ALDH3B1: variants seen among roughly 807,000 people sequenced by gnomAD.
The protein encoded by ALDH3B1 is aldehyde dehydrogenase family 3 member B1.
ALDH3B1 carries 37 observed loss-of-function variants against 46.2 expected under a neutral mutation model. The ratio of observed to expected loss-of-function variants is 0.80; its 90% confidence interval spans 0.62 to 1.05. The LOEUF is 1.05. ALDH3B1 is among the 50% of genes least tolerant of loss of function. ALDH3B1 has a pLI of 0.00. For missense variants in ALDH3B1, 603 were observed against 665.5 expected (o/e 0.91, Z 1.03); for synonymous variants, 283 against 281.0 (o/e 1.01, Z -0.07).
intron 9 of ALDH3B1, among the ~76,000 whole-genome samples, chr11:68,027,520 C>A (rs1351879297): frequency 2.0e-5 from 3 of 152,216 alleles, no homozygotes; most frequent in African/African-American, 7.2e-5. Context: ...GGAATCCATG[C>A]CCTTGACCAC....
intron 9 of ALDH3B1, among the ~76,000 whole-genome samples, chr11:68,027,077 C>A (rs1385567258): frequency 6.6e-6 from 1 of 152,118 alleles, no homozygotes; most frequent in African/African-American, 2.4e-5. Flanking sequence ...CGTGGCCCCA[C>A]CCCGGCTTCC....
At chr11:68,021,397 C>G in intron 6 of ALDH3B1, 88 bp from the exon 7 acceptor site, 2 of 1,526,640 alleles carry the variant, frequency 1.3e-6, no homozygotes, top group Non-Finnish European at 1.8e-6. Context: ...ACTCCACCAC[C>G]TCTCCAGGGA....
At chr11:68,023,562 C>G (rs1355231379) in intron 8 of ALDH3B1, among the ~76,000 whole-genome samples, 1 of 151,856 alleles carries the variant, frequency 6.6e-6, no homozygotes, top group Non-Finnish European at 1.5e-5. Context: ...GCCTCGGCCT[C>G]CCAAAGTGCT....
chr11:68,021,546 C>T lies in ALDH3B1; in HGVS notation c.624C>T (p.Thr208=). ...TAAAKHLTPV[T]LELGGKNPCY... ...CCGCCAAGCACCTGACACCTGTCAC[C>T]CTGGAGCTGGGGGGCAAGAACCCTT... Residue 208 remains threonine, a synonymous_variant, in exon 7 of 10, where the codon ACC becomes ACT. Coordinates refer to ENST00000342456, the MANE Select transcript of ALDH3B1 (RefSeq NM_000694.4). 2 of 1,614,084 alleles carry T rather than the reference C, an allele frequency of 1.2e-6. No homozygotes were observed. Among genetic ancestry groups the T allele is most frequent in the Non-Finnish European group, 1.7e-6 (2 of 1,179,992 alleles).
In ALDH3B1 at chr11:68,018,760, G is replaced by A; in HGVS notation, c.274-13G>A. ...TGCTGAGCACTTAATTTCATCCCCG[G>A]CTCCCGGCCCAGGCCACGCAGCTGG... On this transcript the variant is annotated splice_polypyrimidine_tract_variant and intron_variant, in intron 3 of 9. Transcript: ENST00000342456. The A allele has an allele frequency of 6.4e-7, 1 of 1,551,404 alleles. No homozygotes were observed. Among genetic ancestry groups the A allele is most frequent in the South Asian group, 1.2e-5 (1 of 84,076 alleles).
At chr11:68,026,213 G>C (rs1857619789) in intron 9 of ALDH3B1, 105 bp downstream of exon 9, 1 of 1,039,066 alleles carries the variant, frequency 9.6e-7, no homozygotes, top group African/African-American at 1.6e-5. Context: ...TCAATGTAGA[G>C]GGACAGGCAA....
At position 68,028,392 on chromosome 11, in the gene ALDH3B1, C is replaced by T. The variant is rs1854637396; in HGVS notation, c.*453C>T. 6 of 322,992 alleles carry T rather than the reference C, an allele frequency of 1.9e-5. No individual in the cohort carries two copies. The highest frequency in any genetic ancestry group is 7.5e-5 in the South Asian group (3 of 39,772). 20.0% of individuals were successfully genotyped at this position (322,992 alleles called of 1,614,324 possible). On this transcript the variant is annotated 3_prime_UTR_variant, in exon 10 of 10. Transcript: ENST00000342456. ...TGGAGAGAATTAACCATTGATACCTCCTGGCTGGGTGAGGCGGCTCACACC... is the reference window on the plus strand; with the variant it reads ...TGGAGAGAATTAACCATTGATACCTTCTGGCTGGGTGAGGCGGCTCACACC...
intron 9 of ALDH3B1, among the ~76,000 whole-genome samples, chr11:68,026,870 G>A (rs1857637080): frequency 6.6e-6 from 1 of 152,182 alleles, no homozygotes; most frequent in Non-Finnish European, 1.5e-5. Flanking sequence ...CTGTGCTGCT[G>A]TCCTGGCTCG....
chr11:68,013,641 A>T (rs1857280268), intron 1 of ALDH3B1, among the ~76,000 whole-genome samples: 1 of 152,204 alleles, frequency 6.6e-6, no homozygotes, highest in Non-Finnish European at 1.5e-5. Flanking sequence ...CCTCACAATG[A>T]CACCAGGTGC....
At chr11:68,022,021 T>TC (rs1199559929) in intron 7 of ALDH3B1, 150 bp downstream of exon 7, 1 of 1,372,536 alleles carries the variant, frequency 7.3e-7, no homozygotes, top group Non-Finnish European at 9.8e-7. Context: ...GTGCCATGAT[T>TC]CCGTCTCTGT....
intron 9 of ALDH3B1, 48 bp from the exon 10 acceptor site, chr11:68,027,701 T>C (rs1014367967): frequency 5.2e-6 from 8 of 1,537,496 alleles, no homozygotes. Context: ...TGTCTGTGAC[T>C]AGGAGACCCC....
Position 68,026,089 on chromosome 11 carries a change from C to G in ALDH3B1, c.1197C>G (p.Ser399Arg). The G allele has an allele frequency of 1.9e-6, 3 of 1,605,230 alleles. No homozygotes were observed. Among genetic ancestry groups the G allele is most frequent in the Non-Finnish European group, 2.6e-6 (3 of 1,175,930 alleles). ...NDGFMHMTLASLPFGGVGASG... is the reference protein window; with the variant it reads ...NDGFMHMTLARLPFGGVGASG... ...GCTTCATGCACATGACCCTGGCCAG[C>G]CTGCCTTTTGGAGGAGTGGGTAGGT... The change falls in exon 9 of 10, where the codon AGC (serine) becomes AGG (arginine). Residue 399 changes from serine to arginine, a missense_variant. By Grantham distance (110) the Ser-to-Arg change is moderately radical (BLOSUM62 -1). Transcript: ENST00000342456.
chr11:68,019,438 G>A (rs1232995578), intron 5 of ALDH3B1, among the ~76,000 whole-genome samples, 183 bp downstream of exon 5: 2 of 152,212 alleles, frequency 1.3e-5, no homozygotes, highest in East Asian at 1.9e-4. Flanking sequence ...GAGGAGCAGC[G>A]AGGGCAGCCT....
At position 68,021,577 on chromosome 11, in the gene ALDH3B1, G is replaced by C; in HGVS notation, c.655G>C (p.Val219Leu). 1 of 1,614,104 alleles carries C rather than the reference G, an allele frequency of 6.2e-7. No individual in the cohort carries two copies. The highest frequency in any genetic ancestry group is 1.3e-5 in the African/African-American group (1 of 75,046). The change falls in exon 7 of 10, where the codon GTG becomes CTG. Residue 219 changes from valine (V) to leucine (L), a missense_variant. Coordinates refer to ENST00000342456, the MANE Select transcript of ALDH3B1 (RefSeq NM_000694.4). ...LELGGKNPCY[V>L]DDNCDPQTVA... ...GCTGGGGGGCAAGAACCCTTGCTAC[G>C]TGGACGACAACTGCGACCCCCAGAC...
At chr11:68,027,496 G>A (rs1857656468) in intron 9 of ALDH3B1, among the ~76,000 whole-genome samples, 3 of 152,154 alleles carry the variant, frequency 2.0e-5, no homozygotes, top group Non-Finnish European at 4.4e-5. Context: ...TTTAACCCCC[G>A]GCAGTCTGAC....
chr11:68,018,727 G>A (rs1166628320), intron 3 of ALDH3B1, 46 bp from the exon 4 acceptor site: 3 of 1,549,224 alleles, frequency 1.9e-6, no homozygotes, highest in Non-Finnish European at 2.6e-6. Flanking sequence ...GCTGCTGAGG[G>A]GCCGGGGTGC....
intron 7 of ALDH3B1, 38 bp downstream of exon 7, chr11:68,021,909 A>G (rs1857510662): frequency 6.4e-7 from 1 of 1,554,616 alleles, no homozygotes; most frequent in Non-Finnish European, 8.7e-7. Flanking sequence ...CACCTGGGCC[A>G]AGACCCCTCC....
Position 68,021,894 on chromosome 11 carries a change from C to T in ALDH3B1, c.949+23C>T. On this transcript the variant is annotated intron_variant, in intron 7 of 9. Coordinates refer to ENST00000342456, the MANE Select transcript of ALDH3B1 (RefSeq NM_000694.4). ...TCGGTGAGTCCTGCTGCCCCTACCA[C>T]AGCCCACCTGGGCCAAGACCCCTCC... 8 of 1,569,480 alleles carry T rather than the reference C, an allele frequency of 5.1e-6. 1 individual carries two copies. In the Middle Eastern group the frequency reaches 1.4e-3, roughly 269 times the overall value.
intron 1 of ALDH3B1, among the ~76,000 whole-genome samples, chr11:68,011,277 A>C (rs1443658811): frequency 6.6e-6 from 1 of 152,178 alleles, no homozygotes; most frequent in East Asian, 1.9e-4. Flanking sequence ...GGAAACACCA[A>C]ACCGCCTAAT....
Sources: gnomAD v4.1 joint callset for allele counts (sites outside exome capture counted in the v4.1 genomes callset) on GRCh38, gnomAD v4.1.1 for gene constraint, MANE v1.5 for transcripts, NCBI Gene and HGNC (gene_info 2026-07-23, HGNC 2026-07-21) for gene names.